Variants in BICDL2 observed in about 807,000 individuals in gnomAD.
The protein encoded by BICDL2 is BICD family-like cargo adapter 2.
A neutral mutation model predicts 56.6 loss-of-function variants in BICDL2; 62 were observed. The ratio of observed to expected loss-of-function variants is 1.10; its 90% confidence interval spans 0.89 to 1.35. The LOEUF is 1.35. Ranked by LOEUF, BICDL2 falls within the 40% of genes most tolerant of loss-of-function variation. The probability of loss-of-function intolerance (pLI) is 0.00; values close to 1 mark genes in which losing one functional copy is unlikely to be tolerated. For missense variants in BICDL2, 808 were observed against 684.5 expected, an observed-to-expected ratio of 1.18 and a Z score of -2.01; for synonymous variants, 358 against 319.8, an observed-to-expected ratio of 1.12 and a Z score of -1.27.
At position 3,031,122 on chromosome 16, in the gene BICDL2, C is replaced by T. The variant is rs1011800747; in HGVS notation, c.311G>A (p.Arg104Gln). The change falls in exon 3 of 10, where the codon CGG (arginine) becomes CAG (glutamine). Residue 104 changes from arginine (R) to glutamine (Q), a missense_variant. By Grantham distance (43) the Arg-to-Gln change is conservative. Transcript: ENST00000572449. ...ERLQQENHELRRGLAARGAEW... is the reference protein window; with the variant it reads ...ERLQQENHELQRGLAARGAEW... Reference sequence around the variant, plus strand: ...GGCTCCTCGGGCTGCCAGGCCTCGCCGGAGCTCATGGTTCTCCTGCTGGAG... The same window carrying T: ...GGCTCCTCGGGCTGCCAGGCCTCGCTGGAGCTCATGGTTCTCCTGCTGGAG... 6.5e-6 allele frequency: 10 copies of T among 1,535,512 alleles called. No individual in the cohort carries two copies. The highest frequency in any genetic ancestry group is 4.1e-5 in the African/African-American group (3 of 73,010).
chr16:3,027,709 C>CTTTT lies in BICDL2; in HGVS notation c.*393_*396dup. 5 of 1,350,130 alleles carry CTTTT rather than the reference C, an allele frequency of 3.7e-6. No individual in the cohort carries two copies. The highest frequency in any genetic ancestry group is 2.5e-5 in the Admixed American group (1 of 39,442). 83.6% of individuals were successfully genotyped at this position (1,350,130 alleles called of 1,614,324 possible). On this transcript the variant is annotated 3_prime_UTR_variant, in exon 10 of 10. Coordinates refer to ENST00000572449, the MANE Select transcript of BICDL2 (RefSeq NM_001369667.1). ...AGGGTTTTAGAGTGTTTTTCATTTT[C>CTTTT]TTTTTTTTTTTTTTTTTACAATAAA...
rs11077096 is a variant in BICDL2, at chr16:3,035,374, G to C, written c.123C>G (p.Gly41=). 6.9e-6 allele frequency: 11 copies of C among 1,604,940 alleles called. No individual in the cohort carries two copies. Among genetic ancestry groups the C allele is most frequent in the Middle Eastern group, 3.4e-4 (2 of 5,884 alleles). Residue 41 remains glycine (G), a synonymous_variant, in exon 2 of 10, where the codon GGC becomes GGG. Transcript: ENST00000572449. ...LERRDSFLGG[G]PGPEEPEDLA... ...GGTCCTCGGGCTCCTCAGGCCCTGG[G>C]CCCCCTCCCAGGAATGAGTCCCGCC...
In BICDL2 at chr16:3,035,455, G is replaced by T; in HGVS notation, c.42C>A (p.Leu14=). Reference sequence around the variant, plus strand: ...CGCCGCTGGGAGAGGCGCCCCCTGAGAGCGGCCCGGACGGGAAGCTGGGCC... The same window carrying T: ...CGCCGCTGGGAGAGGCGCCCCCTGATAGCGGCCCGGACGGGAAGCTGGGCC... The part of the protein sequence containing the change: ...PDGPSFPSGP[L]SGGASPSGDE... The change falls in exon 2 of 10, where the codon CTC becomes CTA. Residue 14 remains leucine (L), a synonymous_variant. Coordinates refer to ENST00000572449, the MANE Select transcript of BICDL2 (RefSeq NM_001369667.1). 1 of 1,611,994 alleles carries T rather than the reference G, an allele frequency of 6.2e-7. No homozygotes were observed. Among genetic ancestry groups the T allele is most frequent in the Non-Finnish European group, 8.5e-7 (1 of 1,179,800 alleles).
In BICDL2 at chr16:3,035,206, C is replaced by A; in HGVS notation, c.282+9G>T. 1 of 662,042 alleles carries A rather than the reference C, an allele frequency of 1.5e-6. No homozygotes were observed. The highest frequency in any genetic ancestry group is 2.4e-6 in the Non-Finnish European group (1 of 416,484). 41.0% of individuals were successfully genotyped at this position (662,042 alleles called of 1,614,324 possible). On this transcript the variant is annotated intron_variant, in intron 2 of 9. Transcript: ENST00000572449. ...ACCCACCCACCCACCCCGTCCAGTG[C>A]TAGCTCACTTCCTCACGCTCCAAGT...
intron 2 of BICDL2, 72 bp downstream of exon 2, chr16:3,035,143 C>T: frequency 8.0e-7 from 1 of 1,253,930 alleles, no homozygotes; most frequent in Non-Finnish European, 1.1e-6. Context: ...TGACTCCCTT[C>T]CCTTGTCCTC....
chr16:3,031,069 C>G lies in BICDL2; in HGVS notation c.364G>C (p.Glu122Gln), dbSNP rs1370399671. 2.6e-6 allele frequency: 4 copies of G among 1,537,446 alleles called. No homozygotes were observed. Among genetic ancestry groups the G allele is most frequent in the Non-Finnish European group, 3.5e-6 (4 of 1,146,936 alleles). Residue 122 changes from glutamate to glutamine, a missense_variant, in exon 3 of 10, where the codon GAG becomes CAG. Transcript: ENST00000572449. The part of the protein sequence containing the change: ...AEWEARAVEL[E>Q]GDVEALRAQL... ...GCCCGCAGGGCCTCCACGTCCCCCT[C>G]CAGCTCCACGGCCCGGGCCTCCCAC...
intron 1 of BICDL2, chr16:3,036,070 C>G (rs1043277201): frequency 2.9e-6 from 1 of 347,868 alleles, no homozygotes; most frequent in African/African-American, 2.2e-5. Context: ...CTCCTGCTAC[C>G]TCCTGAGCAG....
chr16:3,029,647 G>C lies in BICDL2; in HGVS notation c.855C>G (p.Leu285=), dbSNP rs896999064. Residue 285 remains leucine (L), a synonymous_variant, in exon 6 of 10, where the codon CTC becomes CTG. Transcript: ENST00000572449. ...AGGCAGCCGACACGTCGGCGTCCTG[G>C]AGGCGTGACTCCTCCTCCAGCTCGG... ...RVSELEEESR[L]QDADVSAASL... 19 of 1,535,862 alleles carry C rather than the reference G, an allele frequency of 1.2e-5. No homozygotes were observed. The highest frequency in any genetic ancestry group is 2.0e-5 in the Admixed American group (1 of 49,366).
In BICDL2 at chr16:3,028,242, A is replaced by G. The variant is rs1447813728; in HGVS notation, c.1391T>C (p.Leu464Pro). The G allele has an allele frequency of 9.5e-6, 14 of 1,473,312 alleles. No individual in the cohort carries two copies. The Admixed American group carries it at 3.4e-4, about 36-fold the overall frequency. The allele number at this position is 1,473,312 out of a possible 1,614,324, so 91.3% of individuals were successfully genotyped here. ...DDMQVVIGQQLRSQRQKELSA... is the reference protein window; with the variant it reads ...DDMQVVIGQQPRSQRQKELSA... Reference sequence around the variant, plus strand: ...CAGCTCCTTCTGGCGCTGTGAGCGCAGCTGCTGCCCGATCACCACCTGCAT... The same window carrying G: ...CAGCTCCTTCTGGCGCTGTGAGCGCGGCTGCTGCCCGATCACCACCTGCAT... The change falls in exon 10 of 10, where the codon CTG becomes CCG. Residue 464 changes from leucine to proline, a missense_variant. Leu to Pro is a moderately conservative substitution (Grantham distance 98, BLOSUM62 -3). Coordinates refer to ENST00000572449, the MANE Select transcript of BICDL2 (RefSeq NM_001369667.1).
chr16:3,035,767 G>C (rs996273864), intron 1 of BICDL2: 25 of 515,886 alleles, frequency 4.8e-5, no homozygotes, highest in African/African-American at 4.4e-4. Context: ...GACAATCTCT[G>C]TCCCCAGGAA....
intron 7 of BICDL2, 143 bp downstream of exon 7, chr16:3,029,137 G>C (rs1349049555): frequency 1.9e-6 from 2 of 1,060,158 alleles, no homozygotes; most frequent in Non-Finnish European, 2.7e-6. Context: ...TGGCATACAG[G>C]CTGGCTCTTG....
At position 3,027,962 on chromosome 16, in the gene BICDL2, G is replaced by T; in HGVS notation, c.*144C>A. 1 of 1,233,350 alleles carries T rather than the reference G, an allele frequency of 8.1e-7. No individual in the cohort carries two copies. The highest frequency in any genetic ancestry group is 1.1e-6 in the Non-Finnish European group (1 of 938,292). The allele number at this position is 1,233,350 out of a possible 1,614,324, so 76.4% of individuals were successfully genotyped here. On this transcript the variant is annotated 3_prime_UTR_variant, in exon 10 of 10. Transcript: ENST00000572449. The stretch of plus-strand genomic sequence containing the variant: ...TGGCCCCTGCTCCGGATGAGCCCCT[G>T]CTCCCGATGAGCCCTTGCCCAGCAT...
Position 3,030,505 on chromosome 16 carries a change from T to G in BICDL2, c.706A>C (p.Thr236Pro). ...EVEKGEGRLQ[T>P]THEELLLLRR... The stretch of plus-strand genomic sequence containing the variant: ...AGCAGCAGCAACTCCTCGTGGGTGG[T>G]CTGCAGTCTGCCCTCACCCTTCTCC... Residue 236 changes from threonine (T) to proline (P), a missense_variant, in exon 5 of 10, where the codon ACC becomes CCC. Transcript: ENST00000572449. The G allele has an allele frequency of 6.2e-7, 1 of 1,603,856 alleles. No individual in the cohort carries two copies. The highest frequency in any genetic ancestry group is 8.5e-7 in the Non-Finnish European group (1 of 1,179,340).
In BICDL2 at chr16:3,030,391, G is replaced by T. The variant is rs191657142; in HGVS notation, c.762+58C>A. On this transcript the variant is annotated intron_variant, in intron 5 of 9. Coordinates refer to ENST00000572449, the MANE Select transcript of BICDL2 (RefSeq NM_001369667.1). The stretch of plus-strand genomic sequence containing the variant: ...CAGCTCCGGCCTCATCTCCCAGAAA[G>T]CCCTGAAGCCATTGCTAAGGGTCCA... The T allele has an allele frequency of 4.7e-5, 74 of 1,568,218 alleles. No homozygotes were observed. In the Middle Eastern group the frequency reaches 6.8e-4, roughly 14 times the overall value.
chr16:3,031,002 C>A lies in BICDL2; in HGVS notation c.431G>T (p.Arg144Leu). Residue 144 changes from arginine (R) to leucine (L), a missense_variant, in exon 3 of 10, where the codon CGA (arginine) becomes CTA (leucine). Transcript: ENST00000572449. ...CTCGCTGAGGGCCCGTGCCCGTTCT[C>A]GCCCACTGTCCTGCTGCTCTGAGCG... ...EQRSEQQDSG[R>L]ERARALSELS... 2 of 1,553,388 alleles carry A rather than the reference C, an allele frequency of 1.3e-6. No individual in the cohort carries two copies. The highest frequency in any genetic ancestry group is 2.4e-5 in the East Asian group (1 of 41,740).
chr16:3,029,173 G>C lies in BICDL2; in HGVS notation c.1107+107C>G, dbSNP rs1405603041. On this transcript the variant is annotated intron_variant, in intron 7 of 9. Coordinates refer to ENST00000572449, the MANE Select transcript of BICDL2 (RefSeq NM_001369667.1). ...AAGTAAGTTTGTTGAGATGAAAGCCGATCCAGGTATAGGGAGCTTAGTGGG... is the reference window on the plus strand; with the variant it reads ...AAGTAAGTTTGTTGAGATGAAAGCCCATCCAGGTATAGGGAGCTTAGTGGG... 42 of 1,404,510 alleles carry C rather than the reference G, an allele frequency of 3.0e-5. No homozygotes were observed. In the South Asian group the frequency reaches 5.2e-4, roughly 17 times the overall value. The allele number at this position is 1,404,510 out of a possible 1,614,324, so 87.0% of individuals were successfully genotyped here.
chr16:3,035,176 T>TTGGCCCCGGGGGGGGGGGGG, intron 2 of BICDL2, 39 bp downstream of exon 2: 1 of 136,274 alleles, frequency 7.3e-6, no homozygotes, highest in Non-Finnish European at 1.4e-5. Flanking sequence ...CGTCCTCCCC[T>TTGGCCCCGGGGGGGGGGGGG]GCCCACCCAC....
chr16:3,030,736 C>T lies in BICDL2; in HGVS notation c.575G>A (p.Gly192Glu), dbSNP rs1567421660. 1.2e-6 allele frequency: 2 copies of T among 1,612,616 alleles called. No individual in the cohort carries two copies. Among genetic ancestry groups the T allele is most frequent in the African/African-American group, 1.3e-5 (1 of 74,936 alleles). The change falls in exon 4 of 10, where the codon GGA becomes GAA. Residue 192 changes from glycine to glutamate, a missense_variant. By Grantham distance (98) the Gly-to-Glu change is moderately conservative (BLOSUM62 -2). Transcript: ENST00000572449. ...CTCCAGCCGCGTCCTCAGCTCTGCT[C>T]CAGCCAGTGCCTGAGCCTGGCACTG... ...RGQCQAQALA[G>E]AELRTRLESL...
rs781137643 is a variant in BICDL2, at chr16:3,030,831, G to A, written c.499-19C>T. ...GGGAGGCCTGGGGAGGTGGAAAGAG[G>A]GACAGAGGAGCCTCAGCACCAAGCC... is the stretch of plus-strand genomic sequence containing the variant. On this transcript the variant is annotated intron_variant, in intron 3 of 9. Coordinates refer to ENST00000572449, the MANE Select transcript of BICDL2 (RefSeq NM_001369667.1). 17 of 1,591,144 alleles carry A rather than the reference G, an allele frequency of 1.1e-5. No homozygotes were observed. The South Asian group carries it at 1.8e-4, about 17-fold the overall frequency.
Sources: allele counts gnomAD v4.1 joint callset, GRCh38; gene constraint gnomAD v4.1.1; transcripts MANE v1.5; gene names NCBI Gene and HGNC (gene_info 2026-07-23, HGNC 2026-07-21).